Variants in POLD3 observed in about 807,000 individuals in gnomAD.
The protein encoded by POLD3 is DNA polymerase delta 3, accessory subunit.
POLD3 carries 19 observed loss-of-function variants against 58.2 expected under a neutral mutation model. The ratio of observed to expected loss-of-function variants is 0.33; its 90% CI spans 0.23 to 0.48. POLD3 has a LOEUF of 0.48. Ranked by LOEUF, POLD3 falls within the 20% of genes least tolerant of loss-of-function variation. The pLI, the probability that POLD3 is intolerant of heterozygous loss-of-function variation, is 0.99. For synonymous variants in POLD3, 172 were observed against 193.5 expected, an observed-to-expected ratio of 0.89 and a Z score of 0.92; for missense variants, 504 against 545.5, an observed-to-expected ratio of 0.92 and a Z score of 0.76.
chr11:74,597,444 C>T (rs201105718), intron 2 of POLD3, among the ~76,000 whole-genome samples: 5 of 152,120 alleles, frequency 3.3e-5, no homozygotes, highest in African/African-American at 1.2e-4. Flanking sequence ...TTCTACAGAT[C>T]GTGTGCTTGT....
chr11:74,592,886 T>G, intron 1 of POLD3, 168 bp downstream of exon 1: 2 of 1,449,170 alleles, frequency 1.4e-6, no homozygotes, highest in Non-Finnish European at 1.8e-6. Context: ...GAGCGAGGAC[T>G]CGTCGGGAAG....
chr11:74,636,811 A>G (rs1472570202), intron 11 of POLD3, among the ~76,000 whole-genome samples: 2 of 152,050 alleles, frequency 1.3e-5, no homozygotes, highest in Non-Finnish European at 2.9e-5. Flanking sequence ...TGCTTCCTTT[A>G]TGTTTCCTAT....
rs1304504365 is a variant in POLD3, at chr11:74,618,669, T to A, written c.525T>A (p.Asn175Lys). 3.7e-6 allele frequency: 6 copies of A among 1,613,974 alleles called. No individual in the cohort carries two copies. The highest frequency in any genetic ancestry group is 5.1e-6 in the Non-Finnish European group (6 of 1,180,036). Residue 175 changes from asparagine to lysine, a missense_variant, in exon 6 of 12, where the codon AAT becomes AAA. By Grantham distance (94) the Asn-to-Lys change is moderately conservative. This residue lies in a region of POLD3 where 385 missense variants were observed against 370.5 expected (regional missense o/e 1.04). Transcript: ENST00000263681. ...AAGCCAACAATGAGCTGACCACCAA[T>A]GGTCATGGCCCACCTGCATCCAAGC... ...ETQANNELTT[N>K]GHGPPASKQV...
chr11:74,619,937 A>G, intron 6 of POLD3, 80 bp from the exon 7 acceptor site: 1 of 1,063,422 alleles, frequency 9.4e-7, no homozygotes, highest in Non-Finnish European at 1.5e-6. Context: ...AGTTTGCTAT[A>G]GAAGAGTTTG....
chr11:74,649,606 G>C (rs1039555718), intron 4 of POLD3, among the ~76,000 whole-genome samples: 1 of 152,168 alleles, frequency 6.6e-6, no homozygotes, highest in Admixed American at 6.5e-5. Context: ...CTATCCTGAA[G>C]CTCCTGCATG....
In POLD3 at chr11:74,653,450, T is replaced by C. The variant is rs143677670; in HGVS notation, c.370-15327T>C. On this transcript the variant is annotated intron_variant, in intron 4 of 4. Coordinates refer to the POLD3 transcript ENST00000524752. The stretch of plus-strand genomic sequence containing the variant: ...TTCTTATGTTATACTTGAGGTGGTA[T>C]ATTATTTTTAAATTAATAACTTTTT... Among the ~76,000 whole-genome samples, 390 of 152,328 alleles carry C rather than the reference T, an allele frequency of 2.6e-3. 3 individuals carry two copies. Among genetic ancestry groups the C allele is most frequent in the African/African-American group, 8.9e-3 (372 of 41,584 alleles).
At chr11:74,648,253 T>A (rs4944924) in intron 4 of POLD3, among the ~76,000 whole-genome samples, 130,447 of 152,184 alleles carry the variant, frequency 0.86, 56,428 homozygotes, top group African/African-American at 0.97. Flanking sequence ...GTATCTCCAC[T>A]TAAGGAAACC....
chr11:74,664,455 C>T (rs1364795081), intron 4 of POLD3, among the ~76,000 whole-genome samples: 1 of 152,092 alleles, frequency 6.6e-6, no homozygotes, highest in Non-Finnish European at 1.5e-5. Context: ...ATAAATTCTA[C>T]CAAACACTTA....
intron 2 of POLD3, among the ~76,000 whole-genome samples, chr11:74,600,286 A>T (rs957964358): frequency 2.3e-4 from 35 of 152,122 alleles, no homozygotes; most frequent in Non-Finnish European, 4.7e-4. Flanking sequence ...TTTGTTTATT[A>T]AAAAATATTT....
At chr11:74,604,898 T>A in intron 3 of POLD3, 104 bp downstream of exon 3, 1 of 665,218 alleles carries the variant, frequency 1.5e-6, no homozygotes, top group Non-Finnish European at 2.6e-6. Context: ...TGTGTTATAG[T>A]AGTTTTAAAG....
Position 74,615,358 on chromosome 11 carries a change from A to G in POLD3, c.392+2348A>G, listed in dbSNP as rs374827775. On this transcript the variant is annotated intron_variant, in intron 5 of 11. Transcript: ENST00000263681. ...CAGAGATAAGAGTATATGGGGTTTC[A>G]GCCCCTAAGGAAAGAGGTTCAAGTA... 8.8e-4 allele frequency among the ~76,000 whole-genome samples: 134 copies of G among 152,370 alleles called. 3 individuals carry two copies. In the South Asian group the frequency reaches 0.027, roughly 30 times the overall value.
chr11:74,625,290 G>T, intron 7 of POLD3, 118 bp from the exon 8 acceptor site: 1 of 703,520 alleles, frequency 1.4e-6, no homozygotes, highest in African/African-American at 1.8e-5. Flanking sequence ...AATAGTCCAT[G>T]AGCTCCTTTT....
intron 5 of POLD3, among the ~76,000 whole-genome samples, chr11:74,616,112 T>C (rs553473260): frequency 6.6e-6 from 1 of 152,202 alleles, no homozygotes; most frequent in Admixed American, 6.5e-5. Flanking sequence ...TCCCTTGTTA[T>C]ATCTAGCAAG....
chr11:74,610,639 T>C (rs2031879068), intron 3 of POLD3, among the ~76,000 whole-genome samples: 1 of 152,184 alleles, frequency 6.6e-6, no homozygotes, highest in Non-Finnish European at 1.5e-5. Flanking sequence ...TACGTTTTTT[T>C]TTCATTTAAA....
chr11:74,656,497 G>A (rs1390539305), intron 4 of POLD3, among the ~76,000 whole-genome samples: 2 of 152,148 alleles, frequency 1.3e-5, no homozygotes, highest in Non-Finnish European at 2.9e-5. Flanking sequence ...TGAGTCAGGA[G>A]AATCGCTTGA....
At chr11:74,620,214 AT>A (rs537210259) in intron 7 of POLD3, 125 bp downstream of exon 7, 10 of 714,340 alleles carry the variant, frequency 1.4e-5, no homozygotes, top group Non-Finnish European at 1.5e-5. Flanking sequence ...ATTCTAACAA[AT>A]TTCCAGTGTA....
At chr11:74,646,434 T>C (rs2033000641), downstream of POLD3, among the ~76,000 whole-genome samples, 1 of 152,192 alleles carries the variant, frequency 6.6e-6, no homozygotes, top group Non-Finnish European at 1.5e-5. Flanking sequence ...AAACAAAGAT[T>C]CAATTATGTT....
intron 4 of POLD3, among the ~76,000 whole-genome samples, chr11:74,656,646 A>C (rs2033139839): frequency 6.6e-6 from 1 of 151,994 alleles, no homozygotes; most frequent in South Asian, 2.1e-4. Context: ...CATGTAGTTT[A>C]ATTTCCATGT....
At chr11:74,656,518 C>T (rs1164002941) in intron 4 of POLD3, among the ~76,000 whole-genome samples, 2 of 151,900 alleles carry the variant, frequency 1.3e-5, no homozygotes, top group Non-Finnish European at 2.9e-5. Context: ...ACCCGGGAGG[C>T]GGAGGTTGCA....
Sources: gnomAD v4.1 joint callset for allele counts (sites outside exome capture counted in the v4.1 genomes callset) on GRCh38, gnomAD v4.1.1 for gene constraint, gnomAD v4.1.1 regional missense constraint, MANE v1.5 for transcripts, NCBI Gene and HGNC (gene_info 2026-07-23, HGNC 2026-07-21) for gene names.